The following CUX1 variants were observed in gnomAD, a reference collection of about 807,000 sequenced individuals.
CUX1 encodes protein CASP.
A neutral mutation model predicts 158.8 loss-of-function variants in CUX1; 31 were observed. That is an observed-to-expected ratio of 0.20 (90% CI 0.15 to 0.26). CUX1 has a LOEUF of 0.26. Among genes scored for constraint, CUX1 ranks in the 10% least tolerant of loss-of-function variants. CUX1 has a pLI of 1.00. For missense variants in CUX1, 1,589 were observed against 2,014.6 expected (o/e 0.79, Z 4.04); for synonymous variants, 879 against 862.1 (o/e 1.02, Z -0.34).
intron 2 of CUX1, among the ~76,000 whole-genome samples, chr7:101,993,754 CA>C: frequency 6.6e-6 from 1 of 152,304 alleles, no homozygotes; most frequent in East Asian, 1.9e-4. Context: ...CAGCCTCTTC[CA>C]TCTAATGTCA....
chr7:101,905,235 G>C (rs1802621788), intron 1 of CUX1, among the ~76,000 whole-genome samples: 1 of 152,118 alleles, frequency 6.6e-6, no homozygotes, highest in Non-Finnish European at 1.5e-5. Context: ...TGGAAAATGT[G>C]ACCTACCCAG....
At chr7:102,060,588 TATATACACACACACAAATAAACAC>T (rs1323066013) in intron 3 of CUX1, among the ~76,000 whole-genome samples, 26 of 99,402 alleles carry the variant, frequency 2.6e-4, no homozygotes, top group African/African-American at 8.1e-4. Flanking sequence ...TACATATATA[TATATACACACACACAAATAAACAC>T]ACACACACAC....
chr7:102,056,476 A>G (rs541122517), intron 3 of CUX1, among the ~76,000 whole-genome samples: 2 of 152,202 alleles, frequency 1.3e-5, no homozygotes, highest in Non-Finnish European at 2.9e-5. Context: ...GTGCACTAGA[A>G]ATGGAATCAT....
chr7:101,958,253 G>A (rs1810006733), intron 2 of CUX1, among the ~76,000 whole-genome samples: 1 of 152,162 alleles, frequency 6.6e-6, no homozygotes. Context: ...GACATCTGGT[G>A]TGTGCTGTGT....
intron 8 of CUX1, among the ~76,000 whole-genome samples, chr7:102,143,971 G>A (rs1470345467): frequency 2.0e-5 from 3 of 151,942 alleles, no homozygotes; most frequent in East Asian, 3.9e-4. Context: ...TAGTAGAGAC[G>A]AGCCTTTACC....
chr7:102,189,783 G>A (rs782490053), intron 11 of CUX1, 30 bp from the exon 12 acceptor site: 46 of 1,612,998 alleles, frequency 2.9e-5, no homozygotes, highest in Non-Finnish European at 3.8e-5. Context: ...GTCAGGCATG[G>A]CCACTGATCA....
intron 2 of CUX1, among the ~76,000 whole-genome samples, chr7:101,973,107 T>C (rs1449239660): frequency 6.6e-6 from 1 of 152,146 alleles, no homozygotes; most frequent in Non-Finnish European, 1.5e-5. Flanking sequence ...ATCAAGTCCA[T>C]CCACGGTATC....
At chr7:101,928,375 C>CTT (rs527554881) in intron 2 of CUX1, among the ~76,000 whole-genome samples, 10 of 134,864 alleles carry the variant, frequency 7.4e-5, no homozygotes, top group East Asian at 4.3e-4. Flanking sequence ...TTTCTTTTTT[C>CTT]TTTTTTTTTT....
intron 1 of CUX1, among the ~76,000 whole-genome samples, chr7:101,903,964 A>G (rs1802451151): frequency 6.6e-6 from 1 of 151,912 alleles, no homozygotes; most frequent in Non-Finnish European, 1.5e-5. Flanking sequence ...ATTCAATCTT[A>G]TTTTCTGAAT....
At chr7:101,911,378 G>T (rs1284694111) in intron 1 of CUX1, among the ~76,000 whole-genome samples, 1 of 148,980 alleles carries the variant, frequency 6.7e-6, no homozygotes, top group African/African-American at 2.5e-5. Flanking sequence ...CTGAACCTTG[G>T]CCTTGGCCTT....
chr7:101,968,841 C>T (rs7796995), intron 2 of CUX1, among the ~76,000 whole-genome samples: 37,788 of 151,880 alleles, frequency 0.25, 6,178 homozygotes, highest in African/African-American at 0.46. Context: ...AAGGTGACCC[C>T]GGCTCAGCAG....
chr7:102,253,640 C>A lies in CUX1; in HGVS notation c.*4598C>A. The A allele has an allele frequency of 1.0e-6, 1 of 985,212 alleles. No individual in the cohort carries two copies. Among genetic ancestry groups the A allele is most frequent in the African/African-American group, 1.7e-5 (1 of 57,194 alleles). 61.0% of individuals were successfully genotyped at this position (985,212 alleles called of 1,614,324 possible). ...GACGCATGTCCTTCTGGGAGTCACACAAAAGCAGAGAGATTTTGAACTGAG... is the reference window on the plus strand; with the variant it reads ...GACGCATGTCCTTCTGGGAGTCACAAAAAAGCAGAGAGATTTTGAACTGAG... On this transcript the variant is annotated 3_prime_UTR_variant, in exon 24 of 24. Coordinates refer to ENST00000292535, the MANE Select transcript of CUX1 (RefSeq NM_181552.4).
intron 3 of CUX1, among the ~76,000 whole-genome samples, chr7:102,056,227 G>T (rs1824105405): frequency 6.6e-6 from 1 of 152,240 alleles, no homozygotes; most frequent in African/African-American, 2.4e-5. Context: ...AATCAACGAA[G>T]ATGATGGCGC....
intron 3 of CUX1, among the ~76,000 whole-genome samples, chr7:102,064,711 T>C (rs549942926): frequency 4.6e-5 from 7 of 152,126 alleles, no homozygotes; most frequent in Non-Finnish European, 1.0e-4. Flanking sequence ...AGAGTCACTG[T>C]GTTGTGTCTG....
At chr7:102,137,491 C>A (rs1241308062) in intron 8 of CUX1, among the ~76,000 whole-genome samples, 2 of 152,040 alleles carry the variant, frequency 1.3e-5, no homozygotes, top group South Asian at 2.1e-4. Flanking sequence ...CAAAAATTAG[C>A]CGGGCGTGGT....
intron 1 of CUX1, among the ~76,000 whole-genome samples, chr7:101,839,672 CT>C (rs111309493): frequency 3.8e-4 from 56 of 147,114 alleles, no homozygotes; most frequent in Middle Eastern, 3.6e-3. Context: ...ATTTTGTCCT[CT>C]TTTTTTTTTT....
At chr7:102,259,912 A>G (rs1199182253), downstream of CUX1, among the ~76,000 whole-genome samples, 2 of 151,828 alleles carry the variant, frequency 1.3e-5, no homozygotes, top group Non-Finnish European at 2.9e-5. Flanking sequence ...CCTGGGCAAC[A>G]TAGTGAGACC....
chr7:102,115,431 A>G (rs1274265201), intron 8 of CUX1, 158 bp downstream of exon 8: 2 of 571,896 alleles, frequency 3.5e-6, no homozygotes, highest in East Asian at 3.1e-5. Context: ...ACGTTCTAGC[A>G]CTCACTGGGT....
chr7:102,254,966 C>T lies in CUX1; in HGVS notation c.*5924C>T, dbSNP rs1789729707. The T allele has an allele frequency of 1.0e-6, 1 of 985,322 alleles. No homozygotes were observed. The highest frequency in any genetic ancestry group is 1.2e-6 in the Non-Finnish European group (1 of 829,976). 61.0% of individuals were successfully genotyped at this position (985,322 alleles called of 1,614,324 possible). On this transcript the variant is annotated 3_prime_UTR_variant, in exon 24 of 24. Coordinates refer to ENST00000292535, the MANE Select transcript of CUX1 (RefSeq NM_181552.4). ...TTTAGAAAGATCCAGTCTGTGAAAC[C>T]CTTAGAGATGGGCTGAAAGTTAAGT...
Sources: allele counts gnomAD v4.1 joint callset (sites outside exome capture counted in the v4.1 genomes callset), GRCh38; gene constraint gnomAD v4.1.1; transcripts MANE v1.5; gene names NCBI Gene and HGNC (gene_info 2026-07-23, HGNC 2026-07-21).